The following ACACA variants were observed in gnomAD, a reference collection of about 807,000 sequenced individuals.
The protein encoded by ACACA is acetyl-CoA carboxylase alpha, also known as acetyl-CoA carboxylase 1.
A neutral mutation model predicts 296.1 loss-of-function variants in ACACA; 103 were observed. The observed-to-expected ratio is 0.35, with a 90% confidence interval of 0.30 to 0.41. The LOEUF is 0.41. ACACA is among the 10% of genes least tolerant of loss of function. The pLI, the probability that ACACA is intolerant of heterozygous loss-of-function variation, is 1.00. For synonymous variants in ACACA, 953 were observed against 1,038.6 expected (o/e 0.92, Z 1.58); for missense variants, 1,554 against 2,989.7 (o/e 0.52, Z 11.20).
chr17:37,356,758 T>C (rs2049161974), intron 1 of ACACA, among the ~76,000 whole-genome samples: 1 of 152,134 alleles, frequency 6.6e-6, no homozygotes, highest in Non-Finnish European at 1.5e-5. Flanking sequence ...GATTCTCTTC[T>C]CCTCCCACAA....
At chr17:37,232,864 ATCC>A (rs369902920) in intron 25 of ACACA, among the ~76,000 whole-genome samples, 54 of 150,864 alleles carry the variant, frequency 3.6e-4, no homozygotes, top group Non-Finnish European at 6.4e-4. Flanking sequence ...AACCGTCCTT[ATCC>A]TCCTCCTCCT....
chr17:37,101,816 A>T (rs2073376590), intron 52 of ACACA, among the ~76,000 whole-genome samples: 1 of 152,238 alleles, frequency 6.6e-6, no homozygotes, highest in African/African-American at 2.4e-5. Flanking sequence ...TGTGAGTTCA[A>T]GAACTAATAC....
At chr17:37,111,021 T>C (rs1369080568) in intron 52 of ACACA, among the ~76,000 whole-genome samples, 1 of 152,080 alleles carries the variant, frequency 6.6e-6, no homozygotes, top group East Asian at 1.9e-4. Flanking sequence ...GCACGCCTGC[T>C]CTCAGGGCTA....
chr17:37,107,417 T>C (rs2073750357), intron 52 of ACACA, among the ~76,000 whole-genome samples: 1 of 152,202 alleles, frequency 6.6e-6, no homozygotes, highest in Non-Finnish European at 1.5e-5. Flanking sequence ...TTCTGGCTGC[T>C]AGAGAAGGCT....
intron 52 of ACACA, among the ~76,000 whole-genome samples, chr17:37,108,797 G>C (rs2073833104): frequency 6.6e-6 from 1 of 152,158 alleles, no homozygotes; most frequent in Admixed American, 6.5e-5. Context: ...GGCAACACAA[G>C]ATAACATCCA....
chr17:37,280,661 A>G (rs1319329439), intron 5 of ACACA, among the ~76,000 whole-genome samples: 3 of 152,008 alleles, frequency 2.0e-5, no homozygotes, highest in Admixed American at 1.3e-4. Context: ...CCATAAGTTG[A>G]TAATTATTGA....
intron 49 of ACACA, 54 bp downstream of exon 49, chr17:37,122,477 T>C: frequency 7.1e-7 from 1 of 1,411,348 alleles, no homozygotes; most frequent in Non-Finnish European, 1.0e-6. Context: ...TCACAGGCAC[T>C]GCGAAGAGAA....
intron 41 of ACACA, among the ~76,000 whole-genome samples, chr17:37,174,020 ATTTTTTTT>A (rs71159693): frequency 7.7e-4 from 13 of 16,792 alleles, no homozygotes; most frequent in Non-Finnish European, 9.9e-4. Context: ...ATATATATAT[ATTTTTTTT>A]TTTTTTTTTT....
At chr17:37,177,137 C>T (rs2077146065) in intron 41 of ACACA, among the ~76,000 whole-genome samples, 1 of 152,056 alleles carries the variant, frequency 6.6e-6, no homozygotes, top group South Asian at 2.1e-4. Flanking sequence ...CAAAGGAAAA[C>T]ATGTGGCTCC....
intron 45 of ACACA, among the ~76,000 whole-genome samples, chr17:37,142,205 A>C (rs1260759317): frequency 6.6e-6 from 1 of 152,152 alleles, no homozygotes; most frequent in Non-Finnish European, 1.5e-5. Context: ...CTAAGCCACC[A>C]TATATGCATG....
At chr17:37,347,358 T>G (rs950592491) in intron 1 of ACACA, among the ~76,000 whole-genome samples, 6 of 152,158 alleles carry the variant, frequency 3.9e-5, no homozygotes, top group African/African-American at 1.4e-4. Context: ...GAGTATGTCT[T>G]TATCAGCAGT....
At chr17:37,135,375 G>A (rs552429059) in intron 45 of ACACA, among the ~76,000 whole-genome samples, 1 of 152,286 alleles carries the variant, frequency 6.6e-6, no homozygotes, top group Non-Finnish European at 1.5e-5. Flanking sequence ...TGGCTGGCAG[G>A]TGCTAGGCTA....
intron 25 of ACACA, among the ~76,000 whole-genome samples, chr17:37,226,959 T>G (rs1160713521): frequency 6.6e-6 from 1 of 151,522 alleles, no homozygotes; most frequent in Non-Finnish European, 1.5e-5. Context: ...AATAAATTAT[T>G]TATTTATAAA....
chr17:37,202,343 T>A (rs1359864854), intron 33 of ACACA, among the ~76,000 whole-genome samples: 1 of 152,166 alleles, frequency 6.6e-6, no homozygotes, highest in Admixed American at 6.5e-5. Flanking sequence ...ATTGTAATAA[T>A]GCAGGTCTCA....
intron 3 of ACACA, among the ~76,000 whole-genome samples, chr17:37,319,025 T>A (rs984952054): frequency 1.3e-5 from 2 of 152,194 alleles, no homozygotes; most frequent in African/African-American, 2.4e-5. Flanking sequence ...GAATGGTAAA[T>A]CTTCCTTTAT....
intron 25 of ACACA, among the ~76,000 whole-genome samples, chr17:37,232,023 C>T (rs1239211570): frequency 6.6e-6 from 1 of 152,178 alleles, no homozygotes; most frequent in Non-Finnish European, 1.5e-5. Context: ...TAGCCTTTTA[C>T]CTGATACTTT....
At chr17:37,399,270 C>T (rs1238443751) in intron 1 of ACACA, among the ~76,000 whole-genome samples, 7 of 152,076 alleles carry the variant, frequency 4.6e-5, no homozygotes, top group African/African-American at 1.2e-4. Flanking sequence ...CATGAGCCAC[C>T]GCACCAGGCC....
chr17:37,126,842 C>A (rs772258561), intron 47 of ACACA, among the ~76,000 whole-genome samples: 2 of 152,200 alleles, frequency 1.3e-5, no homozygotes, highest in Non-Finnish European at 2.9e-5. Context: ...CAAAGCCGAT[C>A]GTTTAGATTC....
At chr17:37,159,412 GTA>G (rs1491415969) in intron 42 of ACACA, among the ~76,000 whole-genome samples, 113 of 152,066 alleles carry the variant, frequency 7.4e-4, no homozygotes, top group African/African-American at 2.6e-3. Flanking sequence ...AGTAGAGATG[GTA>G]TTTCGCTATG....
Sources: gnomAD v4.1 joint callset for allele counts (sites outside exome capture counted in the v4.1 genomes callset) on GRCh38, gnomAD v4.1.1 for gene constraint, MANE v1.5 for transcripts, NCBI Gene and HGNC (gene_info 2026-07-23, HGNC 2026-07-21) for gene names.